Variants in NCOR2 observed in about 807,000 individuals in gnomAD.
The protein encoded by NCOR2 is CTG repeat protein 26.
A neutral mutation model predicts 262.9 loss-of-function variants in NCOR2; 81 were observed. The observed-to-expected ratio is 0.31, with a 90% CI of 0.26 to 0.37. The LOEUF (loss-of-function observed/expected upper bound fraction) is 0.37. Among genes scored for constraint, NCOR2 ranks in the 10% least tolerant of loss-of-function variants. NCOR2 has a pLI of 1.00. For missense variants in NCOR2, 3,385 were observed against 3,621.4 expected (o/e 0.93, Z 1.68); for synonymous variants, 1,659 against 1,559.3 (o/e 1.06, Z -1.51).
chr12:124,348,095 C>T, intron 29 of NCOR2, 79 bp downstream of exon 31: 2 of 1,590,012 alleles, frequency 1.3e-6, no homozygotes, highest in Non-Finnish European at 8.5e-7. Flanking sequence ...TCGGTTTCCC[C>T]ATCTGTAAAA....
exon 47 of NCOR2, chr12:124,325,387 C>CCCCA (rs917611373): frequency 3.0e-6 from 2 of 655,902 alleles, no homozygotes; most frequent in Non-Finnish European, 2.1e-6. Flanking sequence ...GCCCCCCCCC[C>CCCCA]CGCCCTGTTC....
chr12:124,391,058 G>A (rs1391649970), intron 16 of NCOR2, among the ~76,000 whole-genome samples: 1 of 152,234 alleles, frequency 6.6e-6, no homozygotes, highest in East Asian at 1.9e-4. Flanking sequence ...GTTCTTGTGG[G>A]GGCCAGGACT....
intron 3 of NCOR2, among the ~76,000 whole-genome samples, chr12:124,478,129 C>T (rs2047208199): frequency 6.6e-6 from 1 of 152,174 alleles, no homozygotes; most frequent in South Asian, 2.1e-4. Flanking sequence ...GGCCTTGAAC[C>T]TGGAGGAAGG....
rs530457045 is a variant in NCOR2, at chr12:124,479,169, C to G, written c.411+4427G>C. On this transcript the variant is annotated intron_variant, in intron 3 of 46. Coordinates refer to ENST00000405201, the Ensembl canonical transcript of NCOR2. ...CGCACCTGGGGGACAACTGCCCACT[C>G]AGGGGTTGGTCACCCTCCAAGGCTG... Among the ~76,000 whole-genome samples, 155 of 152,352 alleles carry G rather than the reference C, an allele frequency of 1.0e-3. 2 individuals are homozygous for G. The highest frequency in any genetic ancestry group is 2.9e-3 in the East Asian group (15 of 5,188).
rs2047018765 is a variant in NCOR2, at chr12:124,474,891, C to T, written c.412-1760G>A. ...CGCCAGGCCACCACCTCCCCGCCCC[C>T]GCAGCAGCTGCACCCAGAGGACACA... On this transcript the variant is annotated intron_variant, in intron 3 of 46. Transcript: ENST00000405201. Among the ~76,000 whole-genome samples the T allele has an allele frequency of 3.9e-5, 6 of 152,110 alleles. No homozygotes were observed. The South Asian group carries it at 1.2e-3, about 31-fold the overall frequency.
At chr12:124,358,042 ATG>A (rs568403647) in intron 22 of NCOR2, among the ~76,000 whole-genome samples, 16 of 105,014 alleles carry the variant, frequency 1.5e-4, no homozygotes, top group Middle Eastern at 8.9e-3. Flanking sequence ...GAGTGCATGG[ATG>A]TGTGTGTGCC....
chr12:124,326,203 G>T, exon 46 of NCOR2: 1 of 1,533,054 alleles, frequency 6.5e-7, no homozygotes. Context: ...GCGGACGAGG[G>T]CCTGTCCTCC....
Position 124,493,810 on chromosome 12 carries a change from CG to C in NCOR2, c.105+1336del, listed in dbSNP as rs1446099154. On this transcript the variant is annotated intron_variant, in intron 1 of 46. Transcript: ENST00000405201. ...AGTAGGTGCTCAATAAATAGAGGCA[CG>C]GGGGAGTGGGGGGACACAGAAGCTT... Among the ~76,000 whole-genome samples the C allele has an allele frequency of 5.3e-5, 8 of 152,160 alleles. No individual in the cohort carries two copies. In the East Asian group the frequency reaches 1.5e-3, roughly 29 times the overall value.
chr12:124,340,306 T>C (rs1452133986), exon 36 of NCOR2: 2 of 1,611,762 alleles, frequency 1.2e-6, no homozygotes, highest in Non-Finnish European at 8.5e-7. Context: ...GGTCTCCAGA[T>C]GGGTGCGTGC....
chr12:124,415,043 G>A (rs547632716), intron 13 of NCOR2, among the ~76,000 whole-genome samples: 1 of 152,296 alleles, frequency 6.6e-6, no homozygotes, highest in African/African-American at 2.4e-5. Context: ...CAGGGCAGTG[G>A]CTCCCCAGCC....
chr12:124,401,200 G>A (rs1248440223), intron 14 of NCOR2, among the ~76,000 whole-genome samples: 1 of 144,178 alleles, frequency 6.9e-6, no homozygotes, highest in Admixed American at 7.1e-5. Flanking sequence ...GACAGAACAA[G>A]ACCCTGTCTC....
intron 13 of NCOR2, among the ~76,000 whole-genome samples, chr12:124,403,418 C>T (rs1438976375): frequency 2.6e-5 from 4 of 152,172 alleles, no homozygotes; most frequent in African/African-American, 9.7e-5. Context: ...CCTACCGCCC[C>T]TCCCCTCACC....
chr12:124,430,682 G>A (rs762841482), exon 9 of NCOR2: 2 of 1,614,128 alleles, frequency 1.2e-6, no homozygotes, highest in Non-Finnish European at 1.7e-6. Context: ...TAGTACTCGC[G>A]CACCTTGCTC....
At chr12:124,499,319 GGGTGGGC>G (rs1390861965), upstream of NCOR2, among the ~76,000 whole-genome samples, 1 of 152,254 alleles carries the variant, frequency 6.6e-6, no homozygotes, top group Non-Finnish European at 1.5e-5. Flanking sequence ...GGGTCAGAAA[GGGTGGGC>G]GGCATTCATT....
At chr12:124,412,920 C>G (rs1345702621) in intron 13 of NCOR2, among the ~76,000 whole-genome samples, 1 of 152,244 alleles carries the variant, frequency 6.6e-6, no homozygotes, top group East Asian at 1.9e-4. Context: ...TGGCCTCAGA[C>G]AGGGGGAACT....
In NCOR2 at chr12:124,440,135, G is replaced by A. The variant is rs544059287; in HGVS notation, c.816-2139C>T. On this transcript the variant is annotated intron_variant, in intron 7 of 46. Transcript: ENST00000405201. This position sits in a 1 kb window ranked among gnomAD's most constrained non-coding sequence, Gnocchi z 5.7. ...TTAACTTGCTGTCTGTCCCCAATCC[G>A]CGGCATTCAGTGGCACCCGCTTTTC... Among the ~76,000 whole-genome samples the A allele has an allele frequency of 2.6e-5, 4 of 152,282 alleles. No individual in the cohort carries two copies. The highest frequency in any genetic ancestry group is 4.4e-5 in the Non-Finnish European group (3 of 68,012).
chr12:124,514,151 G>C (rs993513157), intron 1 of NCOR2: 2 of 152,214 alleles, frequency 1.3e-5, no homozygotes, highest in African/African-American at 4.8e-5. Context: ...ATGTCAGAGC[G>C]TGGGGCTTCT....
At chr12:124,350,863 C>T (rs894482139) in intron 27 of NCOR2, 126 bp from the exon 30 acceptor site, 3 of 992,226 alleles carry the variant, frequency 3.0e-6, no homozygotes, top group Non-Finnish European at 4.3e-6. Context: ...CACACACACA[C>T]TGTCTCAAAT....
Position 124,547,924 on chromosome 12 carries a change from A to G in NCOR2, c.-164-12313T>C, listed in dbSNP as rs186225287. Among the ~76,000 whole-genome samples, 6 of 152,382 alleles carry G rather than the reference A, an allele frequency of 3.9e-5. No homozygotes were observed. In the East Asian group the frequency reaches 1.2e-3, roughly 29 times the overall value. On this transcript the variant is annotated intron_variant, in intron 1 of 32. Transcript: ENST00000458234. ...TTTTTATATGAGAAAAGTGTGTTAT[A>G]AAGAATACATATTCATATATATAAC...
Sources: gnomAD v4.1 joint callset for allele counts (sites outside exome capture counted in the v4.1 genomes callset) on GRCh38, gnomAD v4.1.1 for gene constraint, Gnocchi (gnomAD v3.1) non-coding constraint, MANE v1.5 for transcripts, NCBI Gene and HGNC (gene_info 2026-07-23, HGNC 2026-07-21) for gene names.